Variants in CDH13 observed in about 807,000 individuals in gnomAD.
CDH13 encodes the protein cadherin-13.
Under a neutral mutation model 63.8 loss-of-function variants are expected in CDH13, and 24 were observed. The ratio of observed to expected loss-of-function variants is 0.38; its 90% confidence interval spans 0.27 to 0.53. The LOEUF (loss-of-function observed/expected upper bound fraction) is 0.53. CDH13 is among the 20% of genes least tolerant of loss of function. CDH13 has a pLI of 0.85. For synonymous variants in CDH13, 503 were observed against 355.3 expected, an observed-to-expected ratio of 1.42 and a Z score of -4.67; for missense variants, 1,049 against 903.1, an observed-to-expected ratio of 1.16 and a Z score of -2.07.
At chr16:83,545,669 A>G (rs1158028460) in intron 7 of CDH13, among the ~76,000 whole-genome samples, 1 of 152,102 alleles carries the variant, frequency 6.6e-6, no homozygotes, top group Non-Finnish European at 1.5e-5. Context: ...CTCCTCTGCC[A>G]TCCTTTAGAC....
chr16:83,317,653 A>G (rs2090135270), intron 5 of CDH13, among the ~76,000 whole-genome samples: 1 of 152,060 alleles, frequency 6.6e-6, no homozygotes, highest in Non-Finnish European at 1.5e-5. Context: ...ATACAAAATT[A>G]GCCAAGCATG....
At chr16:83,550,209 G>C (rs1325517575) in intron 7 of CDH13, among the ~76,000 whole-genome samples, 1 of 152,216 alleles carries the variant, frequency 6.6e-6, no homozygotes, top group Non-Finnish European at 1.5e-5. Context: ...AAGTACTTGA[G>C]AGGGACAAAC....
At chr16:83,658,386 C>G (rs563291097) in intron 8 of CDH13, among the ~76,000 whole-genome samples, 1 of 84,738 alleles carries the variant, frequency 1.2e-5, no homozygotes. Context: ...CGTATCCTCA[C>G]CAGCAAGGTC....
At chr16:83,297,836 C>G (rs747550687) in intron 5 of CDH13, among the ~76,000 whole-genome samples, 3 of 151,896 alleles carry the variant, frequency 2.0e-5, no homozygotes, top group African/African-American at 7.3e-5. Flanking sequence ...TCTAAATGCC[C>G]GAAACTTTTC....
intron 2 of CDH13, among the ~76,000 whole-genome samples, chr16:83,019,896 T>C (rs1029219963): frequency 6.7e-6 from 1 of 148,800 alleles, no homozygotes; most frequent in African/African-American, 2.5e-5. Flanking sequence ...ACCAGTAGCA[T>C]AGTTGTTTAT....
intron 3 of CDH13, among the ~76,000 whole-genome samples, chr16:83,118,964 C>A (rs1278773478): frequency 6.6e-6 from 1 of 152,166 alleles, no homozygotes; most frequent in East Asian, 1.9e-4. Context: ...TCCTTGTCTC[C>A]CATTTAACTG....
intron 2 of CDH13, among the ~76,000 whole-genome samples, chr16:82,995,712 G>C (rs1028515506): frequency 6.6e-6 from 1 of 152,126 alleles, no homozygotes; most frequent in African/African-American, 2.4e-5. Flanking sequence ...CTTCTCCCCA[G>C]TTATACAACT....
chr16:83,077,955 A>T (rs1597286446), intron 3 of CDH13, among the ~76,000 whole-genome samples: 2 of 152,096 alleles, frequency 1.3e-5, no homozygotes, highest in East Asian at 3.9e-4. Flanking sequence ...AACTACCCAT[A>T]TGTATGCTTA....
At chr16:82,726,151 T>C (rs575889668) in intron 1 of CDH13, among the ~76,000 whole-genome samples, 5 of 152,306 alleles carry the variant, frequency 3.3e-5, no homozygotes, top group African/African-American at 1.2e-4. Flanking sequence ...GTGTGTGCTG[T>C]GTGCATGTGC....
At position 82,749,704 on chromosome 16, in the gene CDH13, T is replaced by C. The variant is rs145112264; in HGVS notation, c.46-108658T>C. On this transcript the variant is annotated intron_variant, in intron 1 of 13. Coordinates refer to ENST00000567109, the MANE Select transcript of CDH13 (RefSeq NM_001257.5). Reference sequence around the variant, plus strand: ...GAACCTCCTTAAACTTAACGTATTATAAATGTTTGTAGAGTCTACTAGGCT... The same window carrying C: ...GAACCTCCTTAAACTTAACGTATTACAAATGTTTGTAGAGTCTACTAGGCT... Among the ~76,000 whole-genome samples, 313 of 152,318 alleles carry C rather than the reference T, an allele frequency of 2.1e-3. 1 individual carries two copies. The highest frequency in any genetic ancestry group is 6.8e-3 in the Middle Eastern group (2 of 294).
intron 7 of CDH13, among the ~76,000 whole-genome samples, chr16:83,493,476 G>GACAGCAC (rs1479212607): frequency 6.6e-6 from 1 of 152,200 alleles, no homozygotes. Flanking sequence ...CAGATATGTC[G>GACAGCAC]ACAGCACACG....
intron 8 of CDH13, among the ~76,000 whole-genome samples, chr16:83,652,492 C>G (rs1217212099): frequency 6.6e-6 from 1 of 152,108 alleles, no homozygotes; most frequent in Non-Finnish European, 1.5e-5. Context: ...TTAACTTCAG[C>G]AACACCCCAT....
At chr16:82,728,684 G>A (rs2033234557) in intron 1 of CDH13, among the ~76,000 whole-genome samples, 1 of 152,130 alleles carries the variant, frequency 6.6e-6, no homozygotes, top group Non-Finnish European at 1.5e-5. Context: ...GGTTGCTGAA[G>A]GCTAAGGTGA....
At chr16:82,872,623 A>G (rs759239408) in intron 2 of CDH13, among the ~76,000 whole-genome samples, 10 of 152,204 alleles carry the variant, frequency 6.6e-5, no homozygotes, top group Non-Finnish European at 8.8e-5. Context: ...GGTGCCCTCT[A>G]TTTGTTCTTT....
In CDH13 at chr16:83,514,297, G is replaced by A. The variant is rs74355277; in HGVS notation, c.960+27642G>A. 3.6e-4 allele frequency among the ~76,000 whole-genome samples: 55 copies of A among 152,174 alleles called. 2 individuals carry two copies. The highest frequency in any genetic ancestry group is 5.4e-4 in the Non-Finnish European group (37 of 68,036). ...TTCAGATGTAATTAGCTAAGATGAGGTTATGCTGGATTAGGGTAGGCCCTA... is the reference window on the plus strand; with the variant it reads ...TTCAGATGTAATTAGCTAAGATGAGATTATGCTGGATTAGGGTAGGCCCTA... On this transcript the variant is annotated intron_variant, in intron 7 of 13. Transcript: ENST00000567109.
At chr16:82,797,774 C>CGTGT (rs3046484) in intron 1 of CDH13, among the ~76,000 whole-genome samples, 4,053 of 145,606 alleles carry the variant, frequency 0.028, 61 homozygotes, top group African/African-American at 0.038. Context: ...ACTTTAGGGC[C>CGTGT]GTGTGTGTGT....
At chr16:83,272,889 C>T (rs1436723727) in intron 5 of CDH13, among the ~76,000 whole-genome samples, 2 of 152,172 alleles carry the variant, frequency 1.3e-5, no homozygotes, top group African/African-American at 4.8e-5. Context: ...GGATTGTACT[C>T]TGAGAGCTAA....
intron 2 of CDH13, among the ~76,000 whole-genome samples, chr16:82,933,121 A>G (rs770218316): frequency 1.4e-4 from 21 of 152,068 alleles, no homozygotes; most frequent in Non-Finnish European, 2.8e-4. Context: ...TGGCAGTTAC[A>G]TGTTGTATTA....
rs147778890 is a variant in CDH13, at chr16:83,213,196, A to C, written c.484-4149A>C. Reference sequence around the variant, plus strand: ...AATTTCAATTCAGCAGCAGGAGCCAACTCAGCTAGGTCCTGCCTCTAAGAC... The same window carrying C: ...AATTTCAATTCAGCAGCAGGAGCCACCTCAGCTAGGTCCTGCCTCTAAGAC... On this transcript the variant is annotated intron_variant, in intron 4 of 13. Transcript: ENST00000567109. Among the ~76,000 whole-genome samples, 749 of 152,212 alleles carry C rather than the reference A, an allele frequency of 4.9e-3. 13 individuals carry two copies. Among genetic ancestry groups the C allele is most frequent in the African/African-American group, 0.017 (694 of 41,522 alleles).
Sources: allele counts gnomAD v4.1 joint callset (sites outside exome capture counted in the v4.1 genomes callset), GRCh38; gene constraint gnomAD v4.1.1; transcripts MANE v1.5; gene names NCBI Gene and HGNC (gene_info 2026-07-23, HGNC 2026-07-21).